Variants in UBE2O observed in about 807,000 individuals in gnomAD.
The protein encoded by UBE2O is ubiquitin conjugating enzyme E2 O, also known as (E3-independent) E2 ubiquitin-conjugating enzyme.
Under a neutral mutation model 125.8 loss-of-function variants are expected in UBE2O, and 15 were observed. The observed-to-expected ratio is 0.12, with a 90% CI of 0.08 to 0.18. The LOEUF is 0.18. UBE2O is among the 10% of genes least tolerant of loss of function. The pLI, the probability that UBE2O is intolerant of heterozygous loss-of-function variation, is 1.00. For missense variants in UBE2O, 1,280 were observed against 1,723.6 expected, an observed-to-expected ratio of 0.74 and a Z score of 4.56; for synonymous variants, 708 against 703.2, an observed-to-expected ratio of 1.01 and a Z score of -0.11.
At position 76,433,283 on chromosome 17, in the gene UBE2O, T is replaced by C. The variant is rs150506788; in HGVS notation, c.417+19442A>G. On this transcript the variant is annotated intron_variant, in intron 1 of 17. Transcript: ENST00000319380. ...ACAATAAAAACAAATGAAGTACTGATACATGCTACAACATGGATGAACCTT... is the reference window on the plus strand; with the variant it reads ...ACAATAAAAACAAATGAAGTACTGACACATGCTACAACATGGATGAACCTT... 2.0e-5 allele frequency among the ~76,000 whole-genome samples: 3 copies of C among 150,712 alleles called. No homozygotes were observed. The East Asian group carries it at 5.8e-4, about 29-fold the overall frequency.
At chr17:76,414,518 C>T (rs1202605358) in intron 1 of UBE2O, among the ~76,000 whole-genome samples, 1 of 152,218 alleles carries the variant, frequency 6.6e-6, no homozygotes, top group Non-Finnish European at 1.5e-5. Flanking sequence ...GGGAACTGCA[C>T]ACCAGGGACA....
rs548249797 is a variant in UBE2O at position 76,428,185 on chromosome 17, C to A, written c.418-22613G>T. On this transcript the variant is annotated intron_variant, in intron 1 of 17. Coordinates refer to ENST00000319380, the MANE Select transcript of UBE2O (RefSeq NM_022066.4). The stretch of plus-strand genomic sequence containing the variant: ...GAGGTTGAAAAATCCAATCCATCTT[C>A]ATTCCCAGTCTTTTGTATGTGACCC... Among the ~76,000 whole-genome samples, 8 of 152,362 alleles carry A rather than the reference C, an allele frequency of 5.3e-5. No individual in the cohort carries two copies. In the East Asian group the frequency reaches 1.5e-3, roughly 29 times the overall value.
intron 15 of UBE2O, among the ~76,000 whole-genome samples, chr17:76,393,156 G>A (rs1380289585): frequency 1.3e-5 from 2 of 151,602 alleles, no homozygotes; most frequent in Non-Finnish European, 2.9e-5. Context: ...TACTCAAAAA[G>A]CTTAGATGGG....
At chr17:76,418,698 T>C (rs1415587947) in intron 1 of UBE2O, among the ~76,000 whole-genome samples, 1 of 151,756 alleles carries the variant, frequency 6.6e-6, no homozygotes, top group East Asian at 1.9e-4. Flanking sequence ...GCCTCCTGAG[T>C]AGCTGGGACT....
intron 1 of UBE2O, among the ~76,000 whole-genome samples, chr17:76,407,650 A>G (rs145875708): frequency 1.3e-5 from 2 of 152,332 alleles, no homozygotes; most frequent in East Asian, 3.9e-4. Flanking sequence ...TCAGCCTAAC[A>G]GCACCCTTGG....
At chr17:76,443,087 C>A (rs748651450) in intron 1 of UBE2O, among the ~76,000 whole-genome samples, 1 of 151,950 alleles carries the variant, frequency 6.6e-6, no homozygotes, top group Non-Finnish European at 1.5e-5. Context: ...GGAGTTAGTA[C>A]CAGACATAAT....
In UBE2O at chr17:76,396,871, C is replaced by T; in HGVS notation, c.2116-50G>A. 1 of 1,492,306 alleles carries T rather than the reference C, an allele frequency of 6.7e-7. No individual in the cohort carries two copies. The allele number at this position is 1,492,306 out of a possible 1,614,324, so 92.4% of individuals were successfully genotyped here. On this transcript the variant is annotated intron_variant, in intron 13 of 17. Coordinates refer to ENST00000319380, the MANE Select transcript of UBE2O (RefSeq NM_022066.4). This position sits in a 1 kb window ranked among gnomAD's most constrained non-coding sequence, Gnocchi z 6.7. The stretch of plus-strand genomic sequence containing the variant: ...GGTAAGCAGACAGGAAGTCACCTCC[C>T]CACCACTAAGGAGGAGCTCTGGGGA...
chr17:76,393,276 G>A (rs56276871), intron 15 of UBE2O, among the ~76,000 whole-genome samples: 151,234 of 151,236 alleles, frequency 1, 75,616 homozygotes, highest in Middle Eastern at 1. Context: ...TGGCTTATGT[G>A]TTTTTTTGAG....
chr17:76,422,277 C>T (rs939764473), intron 1 of UBE2O, among the ~76,000 whole-genome samples: 3 of 152,140 alleles, frequency 2.0e-5, no homozygotes, highest in African/African-American at 4.8e-5. Flanking sequence ...ATGAACAACA[C>T]GGGGAGAGGG....
chr17:76,415,795 C>CTCTGTGTGTGTGTGTGTGTGTGTG (rs1555607402), intron 1 of UBE2O, among the ~76,000 whole-genome samples: 2 of 143,200 alleles, frequency 1.4e-5, no homozygotes, highest in South Asian at 2.3e-4. Flanking sequence ...CAGAGCAAGA[C>CTCTGTGTGTGTGTGTGTGTGTGTG]TGTGTGTGTG....
intron 1 of UBE2O, among the ~76,000 whole-genome samples, chr17:76,433,510 G>A (rs920201310): frequency 2.6e-5 from 4 of 151,048 alleles, no homozygotes; most frequent in South Asian, 2.1e-4. Flanking sequence ...ATTAGATAGC[G>A]GTGATGACCG....
At position 76,452,816 on chromosome 17, in the gene UBE2O, T is replaced by A. The variant is rs1264667955; in HGVS notation, c.326A>T (p.His109Leu). 2.0e-6 allele frequency: 3 copies of A among 1,510,696 alleles called. No homozygotes were observed. In the African/African-American group the frequency reaches 4.3e-5, roughly 22 times the overall value. 93.6% of individuals were successfully genotyped at this position (1,510,696 alleles called of 1,614,324 possible). ...CAGGGGGCTGGCCCGGCCCTCCTCGTGGCCCGCGCCCCCGGCCTCGGAGCA... is the reference window on the plus strand; with the variant it reads ...CAGGGGGCTGGCCCGGCCCTCCTCGAGGCCCGCGCCCCCGGCCTCGGAGCA... ...SGCSEAGGAG[H>L]EEGRASPLRR... Residue 109 changes from histidine to leucine, a missense_variant, in exon 1 of 18, where the codon CAC becomes CTC. Physicochemically the swap from His to Leu is moderately conservative, Grantham distance 99. This residue lies in a region of UBE2O where 188 missense variants were observed against 192.5 expected (regional missense o/e 0.98). Transcript: ENST00000319380. This position sits in a 1 kb window ranked among gnomAD's most constrained non-coding sequence, Gnocchi z 4.4.
intron 1 of UBE2O, among the ~76,000 whole-genome samples, chr17:76,418,463 CAGTTGG>C (rs1168539022): frequency 2.6e-5 from 4 of 152,096 alleles, no homozygotes; most frequent in Non-Finnish European, 4.4e-5. Flanking sequence ...TGGAAGCCAA[CAGTTGG>C]AGGAAGTTTA....
At chr17:76,411,945 A>G (rs2072523931) in intron 1 of UBE2O, among the ~76,000 whole-genome samples, 1 of 152,100 alleles carries the variant, frequency 6.6e-6, no homozygotes, top group Non-Finnish European at 1.5e-5. Context: ...AGCCTCCCAA[A>G]GTGCTGGGAT....
At chr17:76,428,940 C>T (rs550580364) in intron 1 of UBE2O, among the ~76,000 whole-genome samples, 78 of 147,334 alleles carry the variant, frequency 5.3e-4, no homozygotes, top group African/African-American at 1.9e-3. Context: ...CTTGCTCTGT[C>T]GCCCAGGCTG....
At chr17:76,417,615 A>T (rs1157468488) in intron 1 of UBE2O, among the ~76,000 whole-genome samples, 1 of 152,186 alleles carries the variant, frequency 6.6e-6, no homozygotes, top group East Asian at 1.9e-4. Flanking sequence ...GCCAAATGAG[A>T]GTGCACTGGG....
chr17:76,446,729 G>A (rs951384238), intron 1 of UBE2O, among the ~76,000 whole-genome samples: 1 of 152,180 alleles, frequency 6.6e-6, no homozygotes, highest in African/African-American at 2.4e-5. Context: ...GACCACTTCT[G>A]AGGCAACACA....
chr17:76,441,491 T>C (rs536471474), intron 1 of UBE2O, among the ~76,000 whole-genome samples: 1 of 152,260 alleles, frequency 6.6e-6, no homozygotes, highest in Middle Eastern at 3.4e-3. Flanking sequence ...TCATTAACAC[T>C]GGCACTAGAA....
At chr17:76,394,439 G>A (rs549004513) in intron 15 of UBE2O, among the ~76,000 whole-genome samples, 1 of 152,242 alleles carries the variant, frequency 6.6e-6, no homozygotes, top group South Asian at 2.1e-4. Context: ...CAGAGGAGTG[G>A]GAAAATGGAA....
Sources: allele counts gnomAD v4.1 joint callset (sites outside exome capture counted in the v4.1 genomes callset), GRCh38; gene constraint gnomAD v4.1.1; regional missense constraint gnomAD v4.1.1; non-coding constraint Gnocchi (gnomAD v3.1); transcripts MANE v1.5; gene names NCBI Gene and HGNC (gene_info 2026-07-23, HGNC 2026-07-21).